Variants in SUGCT observed in about 807,000 individuals in gnomAD.
SUGCT encodes succinyl-CoA:glutarate CoA-transferase.
Under a neutral mutation model 55.0 loss-of-function variants are expected in SUGCT, and 41 were observed. That is an observed-to-expected ratio of 0.74 (90% confidence interval 0.58 to 0.97). The LOEUF is 0.97. Among genes scored for constraint, SUGCT ranks in the 50% least tolerant of loss-of-function variants. The pLI is 0.00. For synonymous variants in SUGCT, 187 were observed against 200.4 expected, an observed-to-expected ratio of 0.93 and a Z score of 0.56; for missense variants, 568 against 547.8, an observed-to-expected ratio of 1.04 and a Z score of -0.37.
intron 9 of SUGCT, among the ~76,000 whole-genome samples, chr7:40,417,645 G>C (rs566091495): frequency 4.1e-4 from 62 of 151,674 alleles, no homozygotes; most frequent in African/African-American, 1.4e-3. Flanking sequence ...CTATGGGCCT[G>C]AATAAAATAT....
the SUGCT span, among the ~76,000 whole-genome samples, chr7:40,898,480 C>G: frequency 1.2e-3 from 7 of 5,714 alleles, no homozygotes; most frequent in East Asian, 0.022. Context: ...TCCGGGAGGT[C>G]GGGGGGGGGG....
intron 12 of SUGCT, among the ~76,000 whole-genome samples, chr7:40,713,081 C>T (rs916042096): frequency 6.6e-6 from 1 of 152,102 alleles, no homozygotes; most frequent in South Asian, 2.1e-4. Flanking sequence ...GGAGGGGGTG[C>T]GGTTGGCTTC....
At chr7:40,193,493 C>T (rs1157450278) in intron 5 of SUGCT, among the ~76,000 whole-genome samples, 1 of 151,998 alleles carries the variant, frequency 6.6e-6, no homozygotes, top group Non-Finnish European at 1.5e-5. Flanking sequence ...CCATATTGGC[C>T]AGGCTGGTCT....
Position 40,342,647 on chromosome 7 carries a change from CTT to C in SUGCT, c.816+25804_816+25805del, listed in dbSNP as rs67932481. ...ACTCTGTCAAATTTCTAAACGTGTA[CTT>C]TTTTTTTTTTTGAGGCAGAGTCTTG... On this transcript the variant is annotated intron_variant, in intron 9 of 13. Transcript: ENST00000335693. Among the ~76,000 whole-genome samples, 138 of 146,658 alleles carry C rather than the reference CTT, an allele frequency of 9.4e-4. 1 individual carries two copies. The highest frequency in any genetic ancestry group is 1.0e-3 in the Non-Finnish European group (68 of 66,390).
chr7:40,344,127 T>C (rs1797193250), intron 9 of SUGCT, among the ~76,000 whole-genome samples: 1 of 152,234 alleles, frequency 6.6e-6, no homozygotes, highest in Non-Finnish European at 1.5e-5. Flanking sequence ...ATTTCTTCCT[T>C]GCTGAAACTT....
the SUGCT span, among the ~76,000 whole-genome samples, chr7:40,997,114 C>T: frequency 6.6e-6 from 1 of 152,148 alleles, no homozygotes; most frequent in Admixed American, 6.5e-5. Flanking sequence ...GGTTTGTGAC[C>T]TTTTGTTTTA....
chr7:40,756,774 A>G (rs564000456), intron 13 of SUGCT, among the ~76,000 whole-genome samples: 7 of 152,198 alleles, frequency 4.6e-5, no homozygotes, highest in Non-Finnish European at 8.8e-5. Flanking sequence ...TATTTCTTCC[A>G]GGTAGAAAGG....
chr7:40,671,419 G>C (rs1359488229), intron 12 of SUGCT, among the ~76,000 whole-genome samples: 1 of 152,134 alleles, frequency 6.6e-6, no homozygotes, highest in African/African-American at 2.4e-5. Flanking sequence ...GGAAATAAAA[G>C]ATATGTGAAT....
chr7:40,189,250 G>A lies in SUGCT; in HGVS notation c.313-294G>A, dbSNP rs111334613. On this transcript the variant is annotated intron_variant, in intron 4 of 13. Coordinates refer to ENST00000335693, the MANE Select transcript of SUGCT (RefSeq NM_001193313.2). ...CCAGCTACTTGGGAGGCTGAGGCAT[G>A]TGAATCGCCTGAACCCGGGAGGCAG... is the stretch of plus-strand genomic sequence containing the variant. 3.2e-3 allele frequency among the ~76,000 whole-genome samples: 484 copies of A among 152,250 alleles called. 3 individuals carry two copies. The highest frequency in any genetic ancestry group is 0.011 in the African/African-American group (450 of 41,546).
intron 12 of SUGCT, among the ~76,000 whole-genome samples, chr7:40,598,700 C>G (rs1798147626): frequency 6.6e-6 from 1 of 152,126 alleles, no homozygotes; most frequent in African/African-American, 2.4e-5. Context: ...TGAGCCATAA[C>G]TGTAGGATAT....
chr7:40,305,891 G>A (rs541446793), intron 8 of SUGCT, among the ~76,000 whole-genome samples: 11 of 152,078 alleles, frequency 7.2e-5, no homozygotes, highest in African/African-American at 2.4e-4. Flanking sequence ...TCTTGAACTC[G>A]TGAGTTCAAG....
chr7:40,370,017 C>T (rs544813919), intron 9 of SUGCT, among the ~76,000 whole-genome samples: 1 of 152,214 alleles, frequency 6.6e-6, no homozygotes, highest in East Asian at 1.9e-4. Flanking sequence ...ATTGCAGCTA[C>T]TTTGTATTAG....
At chr7:40,384,555 A>T (rs1308390596) in intron 9 of SUGCT, among the ~76,000 whole-genome samples, 2 of 145,788 alleles carry the variant, frequency 1.4e-5, no homozygotes, top group African/African-American at 5.0e-5. Context: ...TTAGTCAGTA[A>T]TTTTTTTTTT....
chr7:40,934,051 G>C, the SUGCT span, among the ~76,000 whole-genome samples: 1 of 152,150 alleles, frequency 6.6e-6, no homozygotes, highest in Non-Finnish European at 1.5e-5. Flanking sequence ...TTCTGCTCTG[G>C]TTTCTCCCCA....
intron 12 of SUGCT, among the ~76,000 whole-genome samples, chr7:40,551,184 A>G (rs1483473511): frequency 6.6e-6 from 1 of 152,144 alleles, no homozygotes; most frequent in African/African-American, 2.4e-5. Flanking sequence ...TGGATTACAA[A>G]CTTCTTGTTC....
chr7:40,440,459 C>A (rs1788455095), intron 9 of SUGCT, among the ~76,000 whole-genome samples: 1 of 152,064 alleles, frequency 6.6e-6, no homozygotes, highest in South Asian at 2.1e-4. Context: ...TTGCACCCAG[C>A]CAAGTTTTTA....
chr7:40,354,194 T>A (rs1006116680), intron 9 of SUGCT, among the ~76,000 whole-genome samples: 4 of 152,170 alleles, frequency 2.6e-5, no homozygotes, highest in Non-Finnish European at 5.9e-5. Context: ...TTCAAAGACA[T>A]GCAGAAGGCT....
At chr7:40,693,113 GT>G (rs1784769597) in intron 12 of SUGCT, among the ~76,000 whole-genome samples, 1 of 152,156 alleles carries the variant, frequency 6.6e-6, no homozygotes, top group Admixed American at 6.5e-5. Context: ...AGTAGCCATT[GT>G]TTCCTGCAGT....
the SUGCT span, among the ~76,000 whole-genome samples, chr7:41,013,225 A>G: frequency 1.2e-4 from 19 of 152,206 alleles, no homozygotes; most frequent in African/African-American, 4.1e-4. Context: ...CTGACCAGTC[A>G]TTTATCACAG....
Sources: allele counts gnomAD v4.1 joint callset (sites outside exome capture counted in the v4.1 genomes callset), GRCh38; gene constraint gnomAD v4.1.1; transcripts MANE v1.5; gene names NCBI Gene and HGNC (gene_info 2026-07-23, HGNC 2026-07-21).